AADAC: variants seen among roughly 807,000 people sequenced by gnomAD.
AADAC encodes arylacetamide deacetylase (esterase).
In AADAC, 17 loss-of-function variants were observed where a neutral mutation model predicts 22.7. That is an observed-to-expected ratio of 0.75 (90% CI 0.51 to 1.12). The LOEUF (loss-of-function observed/expected upper bound fraction) is 1.12. Ranked by LOEUF, AADAC falls within the 50% of genes most tolerant of loss-of-function variation. The probability of loss-of-function intolerance (pLI) is 0.00; values close to 1 mark genes in which losing one functional copy is unlikely to be tolerated. For missense variants in AADAC, 465 were observed against 473.9 expected (o/e 0.98, Z 0.17); for synonymous variants, 167 against 176.3 (o/e 0.95, Z 0.42).
intron 1 of AADAC, among the ~76,000 whole-genome samples, chr3:151,816,939 C>A (rs930532766): frequency 6.6e-6 from 1 of 151,914 alleles, no homozygotes; most frequent in African/African-American, 2.4e-5. Flanking sequence ...GTAAAAATTT[C>A]TTTCAGACTT....
intron 3 of AADAC, among the ~76,000 whole-genome samples, chr3:151,822,607 T>C (rs1716298486): frequency 6.6e-6 from 1 of 152,014 alleles, no homozygotes; most frequent in South Asian, 2.1e-4. Context: ...TTTGAAAATA[T>C]TATGCTAGAT....
chr3:151,827,893 G>C lies in AADAC; in HGVS notation c.921G>C (p.Leu307=). Residue 307 remains leucine, a synonymous_variant, in exon 5 of 5, where the codon CTG becomes CTC. Transcript: ENST00000232892. The part of the protein sequence containing the change: ...YNNPNYGSSE[L]AKKYPGFLDV... ...ATCCAAATTATGGCAGTTCTGAGCT[G>C]GCTAAAAAATATCCAGGGTTCCTAG... 3.7e-6 allele frequency: 6 copies of C among 1,611,582 alleles called. No individual in the cohort carries two copies. Among genetic ancestry groups the C allele is most frequent in the Non-Finnish European group, 4.2e-6 (5 of 1,178,990 alleles).
At chr3:151,826,433 C>T (rs1472716360) in intron 4 of AADAC, among the ~76,000 whole-genome samples, 1 of 151,746 alleles carries the variant, frequency 6.6e-6, no homozygotes, top group Non-Finnish European at 1.5e-5. Context: ...TATAAAAATA[C>T]CTGGCAACTT....
chr3:151,819,507 G>A (rs1716142568), intron 2 of AADAC, among the ~76,000 whole-genome samples: 1 of 151,998 alleles, frequency 6.6e-6, no homozygotes, highest in South Asian at 2.1e-4. Context: ...GGACTTAGTT[G>A]TGAAATAAAT....
At position 151,827,839 on chromosome 3, in the gene AADAC, G is replaced by A. The variant is rs529140498; in HGVS notation, c.867G>A (p.Glu289=). ...KFVNWSSLLP[E]RFIKGHVYNN... Reference sequence around the variant, plus strand: ...TTAATTGGAGTTCCCTGCTCCCTGAGAGGTTTATAAAAGGACATGTTTATA... The same window carrying A: ...TTAATTGGAGTTCCCTGCTCCCTGAAAGGTTTATAAAAGGACATGTTTATA... Residue 289 remains glutamate (E), a synonymous_variant, in exon 5 of 5, where the codon GAG becomes GAA. Coordinates refer to ENST00000232892, the MANE Select transcript of AADAC (RefSeq NM_001086.3). 1.2e-6 allele frequency: 2 copies of A among 1,613,266 alleles called. No homozygotes were observed. Among genetic ancestry groups the A allele is most frequent in the African/African-American group, 2.7e-5 (2 of 74,980 alleles).
At chr3:151,824,535 G>A (rs1716390836) in intron 3 of AADAC, 128 bp from the exon 4 acceptor site, 1 of 570,142 alleles carries the variant, frequency 1.8e-6, no homozygotes, top group Admixed American at 4.3e-5. Context: ...ATACTTATGT[G>A]CACCTCCAGC....
intron 2 of AADAC, 123 bp from the exon 3 acceptor site, chr3:151,820,260 T>C: frequency 1.8e-6 from 1 of 544,238 alleles, no homozygotes; most frequent in Non-Finnish European, 3.1e-6. Flanking sequence ...TTGTCTCTCG[T>C]ATTTTAAGGT....
At chr3:151,815,886 C>CT (rs1715967171) in intron 1 of AADAC, among the ~76,000 whole-genome samples, 1 of 151,858 alleles carries the variant, frequency 6.6e-6, no homozygotes, top group South Asian at 2.1e-4. Context: ...GTCTGGCAAT[C>CT]TTTGAGTGTT....
Position 151,814,140 on chromosome 3 carries a change from G to A in AADAC, c.-23G>A. The A allele has an allele frequency of 1.2e-6, 2 of 1,612,742 alleles. No individual in the cohort carries two copies. Among genetic ancestry groups the A allele is most frequent in the Non-Finnish European group, 1.7e-6 (2 of 1,179,008 alleles). ...TAGGTTTACTTTCTGTGTTTCTAGAGACCAAGAAGCGGGACGTTCACCATG... is the reference window on the plus strand; with the variant it reads ...TAGGTTTACTTTCTGTGTTTCTAGAAACCAAGAAGCGGGACGTTCACCATG... On this transcript the variant is annotated 5_prime_UTR_variant, in exon 1 of 5. Transcript: ENST00000232892.
chr3:151,821,098 TG>T (rs1350981736), intron 3 of AADAC, among the ~76,000 whole-genome samples: 1 of 151,656 alleles, frequency 6.6e-6, no homozygotes, highest in East Asian at 1.9e-4. Context: ...ATGAGTGCCC[TG>T]GAGTCACAGG....
At chr3:151,816,788 G>T (rs1332446854) in intron 1 of AADAC, among the ~76,000 whole-genome samples, 1 of 151,918 alleles carries the variant, frequency 6.6e-6, no homozygotes, top group Non-Finnish European at 1.5e-5. Context: ...TGAGGTTACA[G>T]AAAGAATGGT....
At position 151,827,882 on chromosome 3, in the gene AADAC, A is replaced by C; in HGVS notation, c.910A>C (p.Ser304Arg). Residue 304 changes from serine (S) to arginine (R), a missense_variant, in exon 5 of 5, where the codon AGT (serine) becomes CGT (arginine). Ser to Arg is a moderately radical substitution (Grantham distance 110). Transcript: ENST00000232892. Reference sequence around the variant, plus strand: ...TGTTTATAACAATCCAAATTATGGCAGTTCTGAGCTGGCTAAAAAATATCC... The same window carrying C: ...TGTTTATAACAATCCAAATTATGGCCGTTCTGAGCTGGCTAAAAAATATCC... ...GHVYNNPNYG[S>R]SELAKKYPGF... 1 of 1,612,194 alleles carries C rather than the reference A, an allele frequency of 6.2e-7. No homozygotes were observed. Among genetic ancestry groups the C allele is most frequent in the Non-Finnish European group, 8.5e-7 (1 of 1,179,214 alleles).
rs565881969 is a variant in AADAC, at chr3:151,828,387, C to A, written c.*215C>A. The A allele has an allele frequency of 1.6e-5, 5 of 320,268 alleles. No individual in the cohort carries two copies. Among genetic ancestry groups the A allele is most frequent in the Non-Finnish European group, 2.3e-5 (4 of 176,862 alleles). 19.8% of individuals were successfully genotyped at this position (320,268 alleles called of 1,614,324 possible). ...TTTTTCTGAGATTTTCCTTCTTACA[C>A]TGTTAATCTTATTTTAAAAAATATT... On this transcript the variant is annotated 3_prime_UTR_variant, in exon 5 of 5. Transcript: ENST00000232892.
In AADAC at chr3:151,828,036, G is replaced by A. The variant is rs750872791; in HGVS notation, c.1064G>A (p.Arg355Gln). 3.5e-5 allele frequency: 56 copies of A among 1,613,090 alleles called. 1 individual carries two copies. Among genetic ancestry groups the A allele is most frequent in the Non-Finnish European group, 4.3e-5 (51 of 1,179,452 alleles). ...LRDDGLMYVT[R>Q]LRNTGVQVTH... The stretch of plus-strand genomic sequence containing the variant: ...GATGATGGACTCATGTATGTCACCC[G>A]ACTTCGCAACACTGGGGTTCAGGTG... Residue 355 changes from arginine to glutamine, a missense_variant, in exon 5 of 5, where the codon CGA (arginine) becomes CAA (glutamine). By Grantham distance (43) the Arg-to-Gln change is conservative. Coordinates refer to ENST00000232892, the MANE Select transcript of AADAC (RefSeq NM_001086.3).
Position 151,814,287 on chromosome 3 carries a change from CTA to C in AADAC, c.128_129del (p.Ile43ThrfsTer20). 1 of 1,611,518 alleles carries C rather than the reference CTA, an allele frequency of 6.2e-7. No homozygotes were observed. Among genetic ancestry groups the C allele is most frequent in the Non-Finnish European group, 8.5e-7 (1 of 1,178,912 alleles). On this transcript the variant is annotated frameshift_variant, in exon 1 of 5. Transcript: ENST00000232892. LOFTEE classifies it high-confidence loss of function. Reference sequence around the variant, plus strand: ...ATGTGGATAAACGCACATCTGAAAACTATACAAAATTTGGTAAGTTTGGAATT... The same window carrying C: ...ATGTGGATAAACGCACATCTGAAAACTACAAAATTTGGTAAGTTTGGAATT...
chr3:151,827,729 T>C lies in AADAC; in HGVS notation c.757T>C (p.Tyr253His). ...KSLMVRFWSE[Y>H]FTTDRSLEKA... ...ACTCATGGTCAGATTCTGGAGTGAA[T>C]ATTTTACCACTGATAGATCACTTGA... The change falls in exon 5 of 5, where the codon TAT (tyrosine) becomes CAT (histidine). Residue 253 changes from tyrosine to histidine, a missense_variant. Tyr to His is a moderately conservative substitution (Grantham distance 83). Transcript: ENST00000232892. The C allele has an allele frequency of 6.2e-7, 1 of 1,613,234 alleles. No homozygotes were observed. The highest frequency in any genetic ancestry group is 8.5e-7 in the Non-Finnish European group (1 of 1,179,466).
At chr3:151,824,976 T>A in intron 4 of AADAC, 142 bp downstream of exon 4, 1 of 616,576 alleles carries the variant, frequency 1.6e-6, no homozygotes, top group Non-Finnish European at 2.5e-6. Context: ...AAAGAGAATA[T>A]TGAGAAGAAA....
At chr3:151,816,855 A>C (rs1389331097) in intron 1 of AADAC, among the ~76,000 whole-genome samples, 1 of 151,952 alleles carries the variant, frequency 6.6e-6, no homozygotes, top group Non-Finnish European at 1.5e-5. Flanking sequence ...AGAGAAGAGG[A>C]GACATGGTTA....
chr3:151,820,761 A>G (rs766883555), intron 3 of AADAC, among the ~76,000 whole-genome samples: 1 of 35,804 alleles, frequency 2.8e-5, no homozygotes, highest in Admixed American at 2.7e-4. Context: ...CAGATGATCC[A>G]CCCTCCTTGG....
Sources: gnomAD v4.1 joint callset for allele counts (sites outside exome capture counted in the v4.1 genomes callset) on GRCh38, gnomAD v4.1.1 for gene constraint, MANE v1.5 for transcripts, NCBI Gene and HGNC (gene_info 2026-07-23, HGNC 2026-07-21) for gene names.